Variants in TMEM229B observed in about 807,000 individuals in gnomAD.
TMEM229B encodes chromosome 14 open reading frame 83.
Under a neutral mutation model 13.7 loss-of-function variants are expected in TMEM229B, and 6 were observed. That is an observed-to-expected ratio of 0.44 (90% CI 0.24 to 0.86). TMEM229B has a LOEUF of 0.86. TMEM229B is among the 40% of genes least tolerant of loss of function. The pLI, the probability that TMEM229B is intolerant of heterozygous loss-of-function variation, is 0.23. For synonymous variants in TMEM229B, 107 were observed against 102.1 expected (o/e 1.05, Z -0.29); for missense variants, 170 against 236.0 (o/e 0.72, Z 1.83).
rs2478034 is a variant in TMEM229B, at chr14:67,473,986, C to G, written c.-18-45G>C. ...GACAGGTGAGGGCCGGGCGCGGTGG[C>G]TCACGCCTATAATCCCTGCGCTTTG... is the stretch of plus-strand genomic sequence containing the variant. On this transcript the variant is annotated intron_variant, in intron 2 of 2. Transcript: ENST00000554480. The surrounding 1 kb of genome is among the most constrained non-coding windows in gnomAD (Gnocchi z 6.5). 26 of 1,511,400 alleles carry G rather than the reference C, an allele frequency of 1.7e-5. No individual in the cohort carries two copies. In the East Asian group the frequency reaches 5.7e-4, roughly 33 times the overall value. 93.6% of individuals were successfully genotyped at this position (1,511,400 alleles called of 1,614,324 possible).
intron 2 of TMEM229B, among the ~76,000 whole-genome samples, chr14:67,475,720 C>G (rs1184285049): frequency 6.6e-6 from 1 of 152,218 alleles, no homozygotes; most frequent in Non-Finnish European, 1.5e-5. Context: ...CCCAGTCCTT[C>G]TGGCTCCTTT....
chr14:67,485,330 A>G (rs1291142397), intron 2 of TMEM229B, among the ~76,000 whole-genome samples: 5 of 152,214 alleles, frequency 3.3e-5, no homozygotes, highest in African/African-American at 2.4e-5. Context: ...CAACTCAAGA[A>G]CACACTTCCT....
intron 1 of TMEM229B, among the ~76,000 whole-genome samples, chr14:67,525,711 C>T (rs767527220): frequency 4.6e-5 from 7 of 152,144 alleles, no homozygotes; most frequent in East Asian, 3.8e-4. Flanking sequence ...TTATGCTTGA[C>T]GGGAAAATAT....
chr14:67,473,816 G>A lies in TMEM229B; in HGVS notation c.108C>T (p.Asn36=). 5 of 1,613,852 alleles carry A rather than the reference G, an allele frequency of 3.1e-6. No individual in the cohort carries two copies. The highest frequency in any genetic ancestry group is 3.4e-6 in the Non-Finnish European group (4 of 1,179,904). ...TGACCCCAGGGAACTTCCAGTTCAAGTTCACCACGAACTCCCAGGCCGCTG... is the reference window on the plus strand; with the variant it reads ...TGACCCCAGGGAACTTCCAGTTCAAATTCACCACGAACTCCCAGGCCGCTG... ...MFTAAWEFVV[N]LNWKFPGVTS... The change falls in exon 3 of 3, where the codon AAC becomes AAT. Residue 36 remains asparagine (N), a synonymous_variant. Transcript: ENST00000554480. The surrounding 1 kb of genome is among the most constrained non-coding windows in gnomAD (Gnocchi z 6.5).
intron 1 of TMEM229B, among the ~76,000 whole-genome samples, chr14:67,496,943 G>A (rs967625271): frequency 6.6e-6 from 1 of 151,904 alleles, no homozygotes; most frequent in African/African-American, 2.4e-5. Flanking sequence ...GATTACAGGT[G>A]CCCGCCACCA....
chr14:67,482,951 T>C (rs2140101389), intron 2 of TMEM229B, among the ~76,000 whole-genome samples: 1 of 152,300 alleles, frequency 6.6e-6, no homozygotes, highest in South Asian at 2.1e-4. Context: ...ACTCAAAAAA[T>C]TCTCAAGCCC....
Position 67,476,630 on chromosome 14 carries a change from G to T in TMEM229B, c.-18-2689C>A, listed in dbSNP as rs72719184. 2.7e-3 allele frequency among the ~76,000 whole-genome samples: 418 copies of T among 152,180 alleles called. 2 individuals are homozygous for T. Among genetic ancestry groups the T allele is most frequent in the Non-Finnish European group, 4.2e-3 (283 of 68,024 alleles). On this transcript the variant is annotated intron_variant, in intron 2 of 2. Coordinates refer to ENST00000554480, the MANE Select transcript of TMEM229B (RefSeq NM_001348543.2). ...ATAAAATAAAAAAGATTCATGTGAA[G>T]GTCAGAAAATTTTACTCCCATTTTT...
intron 2 of TMEM229B, among the ~76,000 whole-genome samples, chr14:67,484,338 A>G (rs60946296): frequency 0.018 from 2,795 of 152,330 alleles, 95 homozygotes; most frequent in African/African-American, 0.064. Context: ...AAACAGGCCC[A>G]GGCCCTTAAA....
chr14:67,502,007 C>A (rs899402914), intron 1 of TMEM229B, among the ~76,000 whole-genome samples: 2 of 152,144 alleles, frequency 1.3e-5, no homozygotes, highest in Non-Finnish European at 2.9e-5. Flanking sequence ...GGACTGTGGG[C>A]CTTAATAGCA....
At chr14:67,520,031 A>G (rs192583095), upstream of TMEM229B, among the ~76,000 whole-genome samples, 4 of 152,210 alleles carry the variant, frequency 2.6e-5, no homozygotes, top group Admixed American at 2.6e-4. Flanking sequence ...CCTAGACTTT[A>G]TTTTTTACAG....
rs1413017819 is a variant in TMEM229B at position 67,500,599 on chromosome 14, T to C, written c.-191-13427A>G. 1.2e-4 allele frequency among the ~76,000 whole-genome samples: 17 copies of C among 146,038 alleles called. No homozygotes were observed. The Admixed American group carries it at 1.2e-3, about 10-fold the overall frequency. On this transcript the variant is annotated intron_variant, in intron 1 of 2. Coordinates refer to the TMEM229B transcript ENST00000357461. ...TTTTTTTTTTTTTTTTGAGATGGAG[T>C]CTCGCTCTGTCCCCCAGGCTGGAGT...
At position 67,527,303 on chromosome 14, in the gene TMEM229B, T is replaced by C. The variant is rs1168458913; in HGVS notation, c.-192+6333A>G. Among the ~76,000 whole-genome samples, 8 of 152,246 alleles carry C rather than the reference T, an allele frequency of 5.3e-5. No homozygotes were observed. In the South Asian group the frequency reaches 1.5e-3, roughly 28 times the overall value. ...AGTCTATGCATCTATAAAATGGAGA[T>C]AAAAATGGCTTCAGCTCCAGAGAAT... On this transcript the variant is annotated intron_variant, in intron 1 of 2. Coordinates refer to the TMEM229B transcript ENST00000554278.
chr14:67,501,478 C>T (rs1364842329), intron 1 of TMEM229B, among the ~76,000 whole-genome samples: 1 of 152,196 alleles, frequency 6.6e-6, no homozygotes, highest in Admixed American at 6.5e-5. Context: ...GATCCTCCCA[C>T]ATCAGCCTCC....
chr14:67,512,518 T>C lies in TMEM229B; in HGVS notation c.-192+2568A>G, dbSNP rs886207165. Among the ~76,000 whole-genome samples, 11 of 152,270 alleles carry C rather than the reference T, an allele frequency of 7.2e-5. No individual in the cohort carries two copies. In the South Asian group the frequency reaches 1.9e-3, roughly 26 times the overall value. ...ATACACCCAGACCACCTTGTCTGTA[T>C]ATGGGAGGTAGGGAGATGGGGGAGG... On this transcript the variant is annotated intron_variant, in intron 1 of 2. Coordinates refer to the TMEM229B transcript ENST00000357461.
At chr14:67,493,689 C>T (rs1198425197), upstream of TMEM229B, among the ~76,000 whole-genome samples, 1 of 152,138 alleles carries the variant, frequency 6.6e-6, no homozygotes, top group Non-Finnish European at 1.5e-5. Flanking sequence ...CCACATTCCC[C>T]TGGTTCTGTG....
At chr14:67,505,148 C>T (rs1413920344) in intron 1 of TMEM229B, among the ~76,000 whole-genome samples, 1 of 152,014 alleles carries the variant, frequency 6.6e-6, no homozygotes, top group South Asian at 2.1e-4. Flanking sequence ...AAGAAGGATG[C>T]GCATTTTCAA....
chr14:67,524,200 G>A (rs144779362), intron 1 of TMEM229B, among the ~76,000 whole-genome samples: 14 of 152,140 alleles, frequency 9.2e-5, no homozygotes, highest in Admixed American at 7.9e-4. Flanking sequence ...CAATCTTCCC[G>A]CCTCAGCCTA....
At chr14:67,478,868 C>T (rs767277775) in intron 2 of TMEM229B, among the ~76,000 whole-genome samples, 6 of 152,258 alleles carry the variant, frequency 3.9e-5, no homozygotes, top group Non-Finnish European at 8.8e-5. Flanking sequence ...AACGCCAGCA[C>T]CAGCAGCCTC....
chr14:67,492,824 G>A (rs1056393465), upstream of TMEM229B, among the ~76,000 whole-genome samples: 31 of 152,212 alleles, frequency 2.0e-4, no homozygotes, highest in Non-Finnish European at 3.8e-4. Context: ...ACCCAGTGAA[G>A]GCCAGGTACT....
Sources: gnomAD v4.1 joint callset for allele counts (sites outside exome capture counted in the v4.1 genomes callset) on GRCh38, gnomAD v4.1.1 for gene constraint, Gnocchi (gnomAD v3.1) non-coding constraint, MANE v1.5 for transcripts, NCBI Gene and HGNC (gene_info 2026-07-23, HGNC 2026-07-21) for gene names.